The following MMP26 variants were observed in gnomAD, a reference collection of about 807,000 sequenced individuals.
The protein encoded by MMP26 is matrix metallopeptidase 26.
A neutral mutation model predicts 31.0 loss-of-function variants in MMP26; 33 were observed. The ratio of observed to expected loss-of-function variants is 1.06; its 90% confidence interval spans 0.81 to 1.42. The LOEUF is 1.42. MMP26 is among the 40% of genes most tolerant of loss of function. The pLI, the probability that MMP26 is intolerant of heterozygous loss-of-function variation, is 0.00. For missense variants in MMP26, 347 were observed against 316.1 expected (o/e 1.10, Z -0.74); for synonymous variants, 122 against 114.9 (o/e 1.06, Z -0.40).
intron 2 of MMP26, chr11:4,881,823 C>A (rs1322767929): frequency 8.1e-7 from 1 of 1,237,564 alleles, no homozygotes; most frequent in Non-Finnish European, 1.2e-6. Context: ...TATAAAATGA[C>A]TAATAAAATG....
At chr11:4,714,717 C>G (rs1187640206) in intron 1 of MMP26, among the ~76,000 whole-genome samples, 1 of 152,086 alleles carries the variant, frequency 6.6e-6, no homozygotes, top group Non-Finnish European at 1.5e-5. Context: ...ATCACTTACT[C>G]TGTAATCAGA....
intron 2 of MMP26, among the ~76,000 whole-genome samples, chr11:4,779,464 G>T (rs893283215): frequency 2.0e-5 from 3 of 151,912 alleles, no homozygotes; most frequent in Non-Finnish European, 4.4e-5. Context: ...GTTTTGTAAT[G>T]CCCTTTCAAG....
Position 4,915,301 on chromosome 11 carries a change from C to T in MMP26, c.-144-72767C>T, listed in dbSNP as rs746954819. On this transcript the variant is annotated intron_variant, in intron 2 of 7. Coordinates refer to ENST00000380390, the MANE Select transcript of MMP26 (RefSeq NM_021801.5). Reference sequence around the variant, plus strand: ...CCACAAAGCGGTCAAAGGCCATAGACAGTAGCACAGAGGACTCGAGGAAGG... The same window carrying T: ...CCACAAAGCGGTCAAAGGCCATAGATAGTAGCACAGAGGACTCGAGGAAGG... 7 of 1,613,816 alleles carry T rather than the reference C, an allele frequency of 4.3e-6. No homozygotes were observed. In the African/African-American group the frequency reaches 9.3e-5, roughly 22 times the overall value.
intron 1 of MMP26, among the ~76,000 whole-genome samples, chr11:4,740,248 T>TA (rs1164863064): frequency 6.6e-6 from 1 of 152,046 alleles, no homozygotes; most frequent in African/African-American, 2.4e-5. Flanking sequence ...AAAGTTACAA[T>TA]AAAAAATAAT....
chr11:4,869,112 T>C (rs1208660808), intron 2 of MMP26, among the ~76,000 whole-genome samples: 2 of 152,004 alleles, frequency 1.3e-5, no homozygotes, highest in East Asian at 1.9e-4. Context: ...ACCATAAAAA[T>C]CCTACAAGAA....
intron 1 of MMP26, chr11:4,752,990 G>A (rs1259814326): frequency 6.6e-6 from 1 of 152,136 alleles, no homozygotes; most frequent in Non-Finnish European, 1.5e-5. Flanking sequence ...TGGCCTTTGG[G>A]AGCAGAATTC....
chr11:4,944,726 C>T (rs1437372599), intron 2 of MMP26: 1 of 151,266 alleles, frequency 6.6e-6, no homozygotes, highest in Non-Finnish European at 1.5e-5. Context: ...GAAAGTTGGA[C>T]AATTTTTCAG....
At chr11:4,963,240 C>G (rs905677274) in intron 2 of MMP26, among the ~76,000 whole-genome samples, 4 of 152,052 alleles carry the variant, frequency 2.6e-5, no homozygotes, top group African/African-American at 9.7e-5. Flanking sequence ...AGAGAGGACA[C>G]AAACAAATGG....
At chr11:4,898,126 A>C (rs1850740433) in intron 2 of MMP26, among the ~76,000 whole-genome samples, 2 of 151,538 alleles carry the variant, frequency 1.3e-5, no homozygotes, top group African/African-American at 4.8e-5. Context: ...GGATTTTCTT[A>C]GGCTTTGTCT....
chr11:4,838,099 C>T (rs531627826), intron 2 of MMP26, among the ~76,000 whole-genome samples: 3 of 151,234 alleles, frequency 2.0e-5, no homozygotes, highest in East Asian at 2.0e-4. Context: ...AGGCGGATCA[C>T]GAGGTCAGGA....
rs1846384811 is a variant in MMP26, at chr11:4,952,536, A to G, written c.-144-35532A>G. ...AAGCAGTTCTTGCCCTGATCTGATA[A>G]TAGGATTTCCTATACTAGGACAGGT... is the stretch of plus-strand genomic sequence containing the variant. On this transcript the variant is annotated intron_variant, in intron 2 of 7. Transcript: ENST00000380390. Among the ~76,000 whole-genome samples the G allele has an allele frequency of 7.2e-5, 9 of 125,734 alleles. 1 individual carries two copies. In the South Asian group the frequency reaches 2.2e-3, roughly 30 times the overall value. 82.5% of individuals were successfully genotyped at this position (125,734 alleles called of 152,430 possible). A position where few individuals can be genotyped will look rare whatever the true frequency, so the allele number is the denominator to read the frequency against.
At chr11:4,711,106 G>A (rs1445827001) in intron 1 of MMP26, 1 of 152,182 alleles carries the variant, frequency 6.6e-6, no homozygotes, top group Admixed American at 6.5e-5. Context: ...GAAGAAAAAT[G>A]GGCAAGAATG....
intron 1 of MMP26, among the ~76,000 whole-genome samples, chr11:4,738,033 A>G (rs938062484): frequency 2.0e-5 from 3 of 152,026 alleles, no homozygotes; most frequent in Non-Finnish European, 4.4e-5. Context: ...GCCTCAAGTG[A>G]TGCTCTTGCC....
chr11:4,766,399 C>T (rs1848629013), intron 1 of MMP26, among the ~76,000 whole-genome samples: 1 of 152,228 alleles, frequency 6.6e-6, no homozygotes, highest in African/African-American at 2.4e-5. Flanking sequence ...ATGGGTCACT[C>T]ACCCAGGTGC....
intron 2 of MMP26, among the ~76,000 whole-genome samples, chr11:4,774,729 T>C (rs1848768908): frequency 6.6e-6 from 1 of 152,208 alleles, no homozygotes; most frequent in Non-Finnish European, 1.5e-5. Context: ...TGGTATTGCC[T>C]AGATTTTCTT....
chr11:4,874,329 C>CT (rs1204366098), intron 2 of MMP26, among the ~76,000 whole-genome samples: 1 of 152,014 alleles, frequency 6.6e-6, no homozygotes, highest in Admixed American at 6.6e-5. Context: ...TTTGGAGTGA[C>CT]TTTTTTCCAT....
At chr11:4,854,882 A>G (rs1210248273) in intron 2 of MMP26, among the ~76,000 whole-genome samples, 5 of 152,202 alleles carry the variant, frequency 3.3e-5, no homozygotes, top group Non-Finnish European at 7.3e-5. Context: ...GGAAGGATCA[A>G]GCAGCAACAT....
intron 2 of MMP26, among the ~76,000 whole-genome samples, chr11:4,985,104 A>G (rs1846867036): frequency 6.6e-6 from 1 of 152,172 alleles, no homozygotes; most frequent in East Asian, 1.9e-4. Flanking sequence ...TATGTCGATG[A>G]TATTATTGAT....
chr11:4,814,917 A>G (rs1361354317), intron 2 of MMP26, among the ~76,000 whole-genome samples: 4 of 152,242 alleles, frequency 2.6e-5, no homozygotes, highest in Non-Finnish European at 5.9e-5. Flanking sequence ...CACCCGTGGC[A>G]CAGCTTCAGG....
Sources: allele counts gnomAD v4.1 joint callset (sites outside exome capture counted in the v4.1 genomes callset), GRCh38; gene constraint gnomAD v4.1.1; transcripts MANE v1.5; gene names NCBI Gene and HGNC (gene_info 2026-07-23, HGNC 2026-07-21).